ABCC4: variants seen among roughly 807,000 people sequenced by gnomAD.
The protein encoded by ABCC4 is ATP-binding cassette sub-family C member 4.
ABCC4 carries 102 observed loss-of-function variants against 168.5 expected under a neutral mutation model. That is an observed-to-expected ratio of 0.61 (90% CI 0.52 to 0.71). ABCC4 has a LOEUF of 0.71. ABCC4 is among the 30% of genes least tolerant of loss of function. The pLI, the probability that ABCC4 is intolerant of heterozygous loss-of-function variation, is 0.00. For synonymous variants in ABCC4, 617 were observed against 590.7 expected (o/e 1.04, Z -0.65); for missense variants, 1,402 against 1,605.8 (o/e 0.87, Z 2.17).
intron 13 of ABCC4, among the ~76,000 whole-genome samples, chr13:95,171,255 A>G (rs747784073): frequency 1.3e-5 from 2 of 152,140 alleles, no homozygotes; most frequent in Non-Finnish European, 2.9e-5. Context: ...GGAAAAACAG[A>G]ATCCAAACAG....
Position 95,054,020 on chromosome 13 carries a change from CCTTTTTTTTTTTTTTTTTTTTTT to C in ABCC4, c.3367-859_3367-837del, listed in dbSNP as rs1390055758. 3.0e-4 allele frequency: 22 copies of C among 73,168 alleles called. No homozygotes were observed. In the South Asian group the frequency reaches 3.4e-3, roughly 11 times the overall value. 4.5% of individuals were successfully genotyped at this position (73,168 alleles called of 1,614,324 possible). A position where few individuals can be genotyped will look rare whatever the true frequency, so the allele number is the denominator to read the frequency against. On this transcript the variant is annotated intron_variant, in intron 26 of 30. Transcript: ENST00000645237. ...TCTCTCCAATGTCAGAATGGGACAT[CCTTTTTTTTTTTTTTTTTTTTTT>C]TTTTTTTTTTTTTTTTTTTTGGCCA... is the stretch of plus-strand genomic sequence containing the variant.
At chr13:95,182,189 T>C (rs868437849) in intron 11 of ABCC4, among the ~76,000 whole-genome samples, 5 of 152,234 alleles carry the variant, frequency 3.3e-5, no homozygotes, top group Non-Finnish European at 5.9e-5. Context: ...AGTTATTTTA[T>C]GATTGTCAAG....
chr13:95,196,378 G>A (rs1375673600), intron 8 of ABCC4, among the ~76,000 whole-genome samples: 2 of 152,066 alleles, frequency 1.3e-5, no homozygotes, highest in African/African-American at 4.8e-5. Context: ...ACAACGTCCA[G>A]GAAACTTCCT....
At chr13:95,239,655 G>A (rs2039876857) in intron 3 of ABCC4, among the ~76,000 whole-genome samples, 1 of 152,130 alleles carries the variant, frequency 6.6e-6, no homozygotes, top group African/African-American at 2.4e-5. Context: ...TTAAATCCAT[G>A]AGCTCACAAT....
Position 95,037,400 on chromosome 13 carries a change from T to C in ABCC4, c.3736-2661A>G, listed in dbSNP as rs1566362089. 2.6e-5 allele frequency among the ~76,000 whole-genome samples: 4 copies of C among 152,314 alleles called. No individual in the cohort carries two copies. The South Asian group carries it at 6.2e-4, about 24-fold the overall frequency. Reference sequence around the variant, plus strand: ...CTTCCTTCCATCCATTCATCCAATATTGAGTGAATGTCTATTTCCAAAGTA... The same window carrying C: ...CTTCCTTCCATCCATTCATCCAATACTGAGTGAATGTCTATTTCCAAAGTA... On this transcript the variant is annotated intron_variant, in intron 29 of 30. Coordinates refer to ENST00000645237, the MANE Select transcript of ABCC4 (RefSeq NM_005845.5).
chr13:95,292,775 C>A (rs1306728817), intron 1 of ABCC4, among the ~76,000 whole-genome samples: 1 of 152,122 alleles, frequency 6.6e-6, no homozygotes. Context: ...AAGATAGGAG[C>A]TAGCGCAGAG....
intron 20 of ABCC4, among the ~76,000 whole-genome samples, chr13:95,087,417 G>A (rs2034292822): frequency 2.0e-5 from 3 of 152,072 alleles, no homozygotes; most frequent in Non-Finnish European, 4.4e-5. Flanking sequence ...TACTTGGGAG[G>A]CTGAGGCTTG....
At chr13:95,157,499 G>GAGGAAGGAAGGAAGGA (rs74573868) in intron 19 of ABCC4, among the ~76,000 whole-genome samples, 7 of 149,160 alleles carry the variant, frequency 4.7e-5, no homozygotes, top group African/African-American at 1.8e-4. Context: ...AAGGAAGAAA[G>GAGGAAGGAAGGAAGGA]AGGAAGGAAG....
intron 11 of ABCC4, among the ~76,000 whole-genome samples, chr13:95,185,864 T>C (rs1404673951): frequency 6.6e-6 from 1 of 152,066 alleles, no homozygotes; most frequent in Non-Finnish European, 1.5e-5. Flanking sequence ...GGTGAAATGA[T>C]ACACAATGAA....
At chr13:95,247,518 A>C (rs2040136866) in intron 2 of ABCC4, 125 bp downstream of exon 2, 2 of 694,472 alleles carry the variant, frequency 2.9e-6, no homozygotes, top group Non-Finnish European at 4.9e-6. Context: ...CAGCCTGAGG[A>C]AGGTGACACA....
chr13:95,287,717 C>T (rs1193627860), intron 1 of ABCC4, among the ~76,000 whole-genome samples: 9 of 152,038 alleles, frequency 5.9e-5, no homozygotes. Flanking sequence ...AGCCACTACA[C>T]TCTAGCCTGG....
At chr13:95,286,845 T>G (rs1240222441) in intron 1 of ABCC4, among the ~76,000 whole-genome samples, 1 of 150,740 alleles carries the variant, frequency 6.6e-6, no homozygotes, top group African/African-American at 2.4e-5. Flanking sequence ...TAATCCCAGT[T>G]ACTCAGGAGG....
chr13:95,154,998 T>C (rs1196041791), intron 19 of ABCC4, among the ~76,000 whole-genome samples: 3 of 152,192 alleles, frequency 2.0e-5, no homozygotes, highest in Non-Finnish European at 4.4e-5. Flanking sequence ...TTATAGAGTA[T>C]CGCAAGACAG....
intron 27 of ABCC4, among the ~76,000 whole-genome samples, chr13:95,045,657 C>T (rs926874641): frequency 6.6e-6 from 1 of 152,142 alleles, no homozygotes; most frequent in African/African-American, 2.4e-5. Flanking sequence ...GTTCAGTTCA[C>T]TGATGTTTGT....
At position 95,163,610 on chromosome 13, in the gene ABCC4, C is replaced by T; in HGVS notation, c.2213G>A (p.Trp738Ter). ...ATACATCAGACCAGAAATAACTTAC[C>T]AGTATGAAAGCCACCAATCTTGAAG... ...YVLQDWWLSY[W>*]ANKQSMLNVT... Residue 738 changes from tryptophan to a stop codon, truncating the protein, a stop_gained and splice_region_variant, in exon 17 of 31, where the codon TGG becomes TAG. Coordinates refer to ENST00000645237, the MANE Select transcript of ABCC4 (RefSeq NM_005845.5). LOFTEE classifies it high-confidence loss of function. 1 of 1,611,656 alleles carries T rather than the reference C, an allele frequency of 6.2e-7. No individual in the cohort carries two copies. Among genetic ancestry groups the T allele is most frequent in the Non-Finnish European group, 8.5e-7 (1 of 1,178,322 alleles).
At chr13:95,272,835 C>G (rs531591177) in intron 1 of ABCC4, among the ~76,000 whole-genome samples, 10 of 152,232 alleles carry the variant, frequency 6.6e-5, no homozygotes, top group South Asian at 4.1e-4. Context: ...TTGCAGTGAG[C>G]CAAGATGTCA....
chr13:95,171,580 A>G (rs2037479092), intron 13 of ABCC4, among the ~76,000 whole-genome samples: 1 of 151,914 alleles, frequency 6.6e-6, no homozygotes, highest in Non-Finnish European at 1.5e-5. Context: ...GAGAAAAAAA[A>G]AAAAGAAAAA....
At chr13:95,092,736 A>G (rs2139353509) in intron 20 of ABCC4, among the ~76,000 whole-genome samples, 1 of 152,284 alleles carries the variant, frequency 6.6e-6, no homozygotes, top group South Asian at 2.1e-4. Context: ...TCAGAGCAGA[A>G]CTAAATGAAA....
chr13:95,244,644 A>AGGAAG (rs1491487746), intron 3 of ABCC4, among the ~76,000 whole-genome samples: 2 of 38,460 alleles, frequency 5.2e-5, no homozygotes, highest in Non-Finnish European at 1.0e-4. Flanking sequence ...AAAGAAAGAA[A>AGGAAG]GAAAGAAAGA....
Sources: gnomAD v4.1 joint callset for allele counts (sites outside exome capture counted in the v4.1 genomes callset) on GRCh38, gnomAD v4.1.1 for gene constraint, MANE v1.5 for transcripts, NCBI Gene and HGNC (gene_info 2026-07-23, HGNC 2026-07-21) for gene names.